PLXDC1: variants seen among roughly 807,000 people sequenced by gnomAD.
The protein encoded by PLXDC1 is plexin domain containing 1.
A neutral mutation model predicts 61.3 loss-of-function variants in PLXDC1; 39 were observed. That is an observed-to-expected ratio of 0.64 (90% CI 0.49 to 0.83). PLXDC1 has a LOEUF of 0.83. Among genes scored for constraint, PLXDC1 ranks in the 40% least tolerant of loss-of-function variants. The probability of loss-of-function intolerance (pLI) is 0.00; values close to 1 mark genes in which losing one functional copy is unlikely to be tolerated. For synonymous variants in PLXDC1, 212 were observed against 254.5 expected (o/e 0.83, Z 1.59); for missense variants, 596 against 666.5 (o/e 0.89, Z 1.17).
chr17:39,144,521 C>T (rs537855063), intron 1 of PLXDC1, among the ~76,000 whole-genome samples: 2 of 152,222 alleles, frequency 1.3e-5, no homozygotes, highest in Admixed American at 6.5e-5. Flanking sequence ...TGGGACAGGA[C>T]GTCATCCCCA....
chr17:39,127,811 C>T (rs933948998), intron 2 of PLXDC1, among the ~76,000 whole-genome samples: 6 of 151,008 alleles, frequency 4.0e-5, no homozygotes, highest in African/African-American at 9.7e-5. Context: ...AAAAATTAGC[C>T]GGGCATGATG....
intron 7 of PLXDC1, among the ~76,000 whole-genome samples, chr17:39,091,958 CAAAAAAAAAAAAAA>C (rs71141756): frequency 8.5e-5 from 9 of 105,386 alleles, no homozygotes; most frequent in African/African-American, 2.9e-4. Context: ...GACTCTATCT[CAAAAAAAAAAAAAA>C]AAAAAAAAAA....
intron 1 of PLXDC1, among the ~76,000 whole-genome samples, chr17:39,149,790 A>G (rs1480564590): frequency 6.6e-6 from 1 of 152,050 alleles, no homozygotes; most frequent in African/African-American, 2.4e-5. Flanking sequence ...CGTGGTTCAC[A>G]CAATCCAGCC....
intron 7 of PLXDC1, among the ~76,000 whole-genome samples, chr17:39,100,238 T>G (rs943764267): frequency 2.0e-5 from 3 of 149,522 alleles, no homozygotes; most frequent in Non-Finnish European, 2.9e-5. Context: ...GGCTAACACT[T>G]TTTTTCTTTT....
Position 39,079,094 on chromosome 17 carries a change from T to A in PLXDC1, c.1050+10A>T. 1.2e-6 allele frequency: 2 copies of A among 1,612,118 alleles called. No individual in the cohort carries two copies. The highest frequency in any genetic ancestry group is 1.7e-6 in the Non-Finnish European group (2 of 1,178,394). On this transcript the variant is annotated intron_variant, in intron 10 of 13. Transcript: ENST00000315392. The stretch of plus-strand genomic sequence containing the variant: ...GCACAGGAGTTGCAGCAGATACTTA[T>A]GCTTCTCACCTCCTGTGCACAGCCA...
chr17:39,105,626 T>C (rs3744350), intron 7 of PLXDC1, among the ~76,000 whole-genome samples: 106,161 of 152,010 alleles, frequency 0.7, 37,260 homozygotes, highest in Non-Finnish European at 0.72. Flanking sequence ...CCTTTCACCT[T>C]AACAACCAGA....
intron 9 of PLXDC1, chr17:39,080,400 T>G (rs1266168821): frequency 3.3e-5 from 5 of 152,174 alleles, no homozygotes; most frequent in African/African-American, 1.2e-4. Context: ...ACCCTTAGAC[T>G]CCAGAGTGGG....
chr17:39,091,649 T>C (rs1044133805), intron 7 of PLXDC1, among the ~76,000 whole-genome samples: 4 of 152,006 alleles, frequency 2.6e-5, no homozygotes, highest in Non-Finnish European at 5.9e-5. Context: ...GACTCAGACA[T>C]ATCAGGTTGA....
chr17:39,134,677 AAAC>A (rs936836837), intron 2 of PLXDC1, among the ~76,000 whole-genome samples: 1 of 152,032 alleles, frequency 6.6e-6, no homozygotes, highest in Non-Finnish European at 1.5e-5. Flanking sequence ...GAAAGAAAGA[AAAC>A]AACCACATCT....
intron 2 of PLXDC1, among the ~76,000 whole-genome samples, chr17:39,135,147 AC>A (rs1174757834): frequency 6.6e-6 from 1 of 152,200 alleles, no homozygotes; most frequent in Non-Finnish European, 1.5e-5. Context: ...TCCTGACCTG[AC>A]ATCTGCACTC....
chr17:39,081,451 TAAAAAAAAAA>T (rs35707439), intron 9 of PLXDC1: 61 of 129,968 alleles, frequency 4.7e-4, no homozygotes, highest in African/African-American at 1.8e-3. Flanking sequence ...TCATCTCTAC[TAAAAAAAAAA>T]AAAAAAATAC....
At chr17:39,144,345 G>A (rs925228566) in intron 1 of PLXDC1, among the ~76,000 whole-genome samples, 2 of 152,204 alleles carry the variant, frequency 1.3e-5, no homozygotes, top group Non-Finnish European at 2.9e-5. Flanking sequence ...AGGTTTTATA[G>A]AGAGCTCAGG....
chr17:39,131,318 CATGCT>C (rs921760699), intron 2 of PLXDC1, among the ~76,000 whole-genome samples: 4 of 151,934 alleles, frequency 2.6e-5, no homozygotes, highest in African/African-American at 7.3e-5. Context: ...CCTCCCTGGA[CATGCT>C]TTCTTCTCAC....
Position 39,107,387 on chromosome 17 carries a change from C to G in PLXDC1, c.711+20G>C, listed in dbSNP as rs760055573. On this transcript the variant is annotated intron_variant, in intron 6 of 13. Coordinates refer to ENST00000315392, the MANE Select transcript of PLXDC1 (RefSeq NM_020405.5). ...GAAAGGCTCCAAGACCCAGCTGTCT[C>G]TGCAGCTGGGCCCACTCACCTCTTT... The G allele has an allele frequency of 7.1e-7, 1 of 1,402,680 alleles. No homozygotes were observed. The highest frequency in any genetic ancestry group is 1.2e-5 in the South Asian group (1 of 81,826). 86.9% of individuals were successfully genotyped at this position (1,402,680 alleles called of 1,614,324 possible). A position where few individuals can be genotyped will look rare whatever the true frequency, so the allele number is the denominator to read the frequency against.
chr17:39,075,731 C>G (rs1230027915), intron 11 of PLXDC1, among the ~76,000 whole-genome samples: 1 of 152,202 alleles, frequency 6.6e-6, no homozygotes, highest in Non-Finnish European at 1.5e-5. Flanking sequence ...TCCCCCCAGC[C>G]AGGTCCATGG....
At chr17:39,075,609 G>T (rs1734107262) in intron 11 of PLXDC1, among the ~76,000 whole-genome samples, 1 of 152,180 alleles carries the variant, frequency 6.6e-6, no homozygotes, top group Non-Finnish European at 1.5e-5. Context: ...ATCCAGGATT[G>T]TTGGGAGGAC....
rs2045373421 is a variant in PLXDC1 at position 39,151,612 on chromosome 17, A to G, written c.-175T>C. 9.2e-7 allele frequency: 1 copy of G among 1,084,392 alleles called. No individual in the cohort carries two copies. Among genetic ancestry groups the G allele is most frequent in the African/African-American group, 1.7e-5 (1 of 57,714 alleles). 67.2% of individuals were successfully genotyped at this position (1,084,392 alleles called of 1,614,324 possible). On this transcript the variant is annotated 5_prime_UTR_variant, in exon 1 of 14. Coordinates refer to ENST00000315392, the MANE Select transcript of PLXDC1 (RefSeq NM_020405.5). This position sits in a 1 kb window ranked among gnomAD's most constrained non-coding sequence, Gnocchi z 5.2. ...GCAGGAGCGGCGAGAGCGCGAGCGG[A>G]GCTGGAGGCTGCGGCCTCCGGGAGC...
intron 2 of PLXDC1, among the ~76,000 whole-genome samples, chr17:39,138,762 AAT>A (rs1328495446): frequency 6.6e-6 from 1 of 151,956 alleles, no homozygotes; most frequent in African/African-American, 2.4e-5. Context: ...AATTTAAGAA[AAT>A]AGTTATTAAA....
intron 1 of PLXDC1, among the ~76,000 whole-genome samples, chr17:39,140,310 C>G (rs58499288): frequency 2.0e-5 from 3 of 146,402 alleles, no homozygotes; most frequent in Non-Finnish European, 4.5e-5. Context: ...ATTTCTTTTT[C>G]TTTTTCTTTT....
Sources: allele counts gnomAD v4.1 joint callset (sites outside exome capture counted in the v4.1 genomes callset), GRCh38; gene constraint gnomAD v4.1.1; non-coding constraint Gnocchi (gnomAD v3.1); transcripts MANE v1.5; gene names NCBI Gene and HGNC (gene_info 2026-07-23, HGNC 2026-07-21).